The following CMKLR2 variants were observed in gnomAD, a reference collection of about 807,000 sequenced individuals.
CMKLR2 encodes chemerin chemokine-like receptor 2, also known as chemerin-like receptor 2.
Under a neutral mutation model 23.0 loss-of-function variants are expected in CMKLR2, and 18 were observed. The ratio of observed to expected loss-of-function variants is 0.78; its 90% confidence interval spans 0.54 to 1.16. The LOEUF is 1.16. Ranked by LOEUF, CMKLR2 falls within the 50% of genes most tolerant of loss-of-function variation. The pLI is 0.00. For missense variants in CMKLR2, 401 were observed against 412.7 expected (o/e 0.97, Z 0.25); for synonymous variants, 158 against 158.9 (o/e 0.99, Z 0.05).
intron 1 of CMKLR2, among the ~76,000 whole-genome samples, chr2:206,200,364 G>A (rs961105951): frequency 2.6e-5 from 4 of 152,218 alleles, no homozygotes; most frequent in Middle Eastern, 3.4e-3. Flanking sequence ...CGGAGGATGC[G>A]GTGAGCCGAG....
At chr2:206,213,956 T>C (rs540686801), upstream of CMKLR2, among the ~76,000 whole-genome samples, 139 of 145,208 alleles carry the variant, frequency 9.6e-4, no homozygotes, top group Non-Finnish European at 1.6e-3. Flanking sequence ...CAGGTTCAAG[T>C]GATTCTCCTG....
At chr2:206,211,384 G>C (rs1179889194) in intron 1 of CMKLR2, among the ~76,000 whole-genome samples, 1 of 152,144 alleles carries the variant, frequency 6.6e-6, no homozygotes, top group African/African-American at 2.4e-5. Flanking sequence ...GAGTGCAGTG[G>C]CACGATCTTA....
At chr2:206,180,010 C>T (rs1389136779) in intron 1 of CMKLR2, among the ~76,000 whole-genome samples, 1 of 152,128 alleles carries the variant, frequency 6.6e-6, no homozygotes, top group African/African-American at 2.4e-5. Flanking sequence ...TTCCCTTCCT[C>T]CCAACCCTAG....
chr2:206,186,792 T>C (rs2105809383), intron 1 of CMKLR2, among the ~76,000 whole-genome samples: 1 of 151,188 alleles, frequency 6.6e-6, no homozygotes, highest in African/African-American at 2.4e-5. Flanking sequence ...TGCTGCCTTT[T>C]TTTTTTTTTT....
chr2:206,196,991 C>T (rs1442105525), intron 1 of CMKLR2, among the ~76,000 whole-genome samples: 2 of 152,182 alleles, frequency 1.3e-5, no homozygotes, highest in Non-Finnish European at 2.9e-5. Context: ...GCACTGCAAC[C>T]TCCACCTCCT....
intron 1 of CMKLR2, among the ~76,000 whole-genome samples, chr2:206,185,849 CT>C (rs1688560486): frequency 1.3e-5 from 2 of 152,168 alleles, no homozygotes; most frequent in African/African-American, 4.8e-5. Flanking sequence ...TTGGAGCCTT[CT>C]GTACCAGAGT....
Position 206,175,916 on chromosome 2 carries a change from A to AT in CMKLR2, c.*263dup, listed in dbSNP as rs1323437620. ...ATAATTAACAAGAATGATGCATTTC[A>AT]TTTAAGTTGCAGAAAAAAATTATGC... On this transcript the variant is annotated 3_prime_UTR_variant, in exon 2 of 2. Coordinates refer to ENST00000621141, the MANE Select transcript of CMKLR2 (RefSeq NM_001389445.1). 3.0e-6 allele frequency: 1 copy of AT among 330,808 alleles called. No homozygotes were observed. The highest frequency in any genetic ancestry group is 2.1e-5 in the African/African-American group (1 of 47,082). The allele number at this position is 330,808 out of a possible 1,614,324, so 20.5% of individuals were successfully genotyped here. A position where few individuals can be genotyped will look rare whatever the true frequency, so the allele number is the denominator to read the frequency against.
chr2:206,198,392 G>C (rs1315060471), intron 1 of CMKLR2, among the ~76,000 whole-genome samples: 1 of 152,130 alleles, frequency 6.6e-6, no homozygotes, highest in Non-Finnish European at 1.5e-5. Flanking sequence ...GACCCCAGGT[G>C]TCTCATGTGG....
chr2:206,207,728 C>CTTTTTTTTTTTTTT (rs71034423), intron 1 of CMKLR2, among the ~76,000 whole-genome samples: 543 of 43,558 alleles, frequency 0.012, 138 homozygotes, highest in African/African-American at 0.017. Context: ...ACCTCAGGGC[C>CTTTTTTTTTTTTTT]TTTTTTTTTT....
Position 206,204,277 on chromosome 2 carries a change from C to G in CMKLR2, c.-29+9030G>C, listed in dbSNP as rs376023092. On this transcript the variant is annotated intron_variant, in intron 1 of 1. Coordinates refer to ENST00000621141, the MANE Select transcript of CMKLR2 (RefSeq NM_001389445.1). ...GCTGAGGCAGGAGAATGGTGTGAAC[C>G]CGGGAGGCGGAGCTTACAGTGAGCC... Among the ~76,000 whole-genome samples the G allele has an allele frequency of 1.1e-4, 16 of 149,622 alleles. No individual in the cohort carries two copies. The East Asian group carries it at 2.8e-3, about 26-fold the overall frequency.
upstream of CMKLR2, among the ~76,000 whole-genome samples, chr2:206,215,985 G>A (rs12694046): frequency 0.31 from 47,737 of 151,948 alleles, 7,745 homozygotes; most frequent in African/African-American, 0.36. Context: ...TCTCCTTATT[G>A]GAAGAGATAT....
intron 1 of CMKLR2, among the ~76,000 whole-genome samples, chr2:206,179,795 T>C (rs894671963): frequency 6.6e-6 from 1 of 152,154 alleles, no homozygotes; most frequent in Non-Finnish European, 1.5e-5. Flanking sequence ...GAAAAAAGAT[T>C]AATAGTTATA....
intron 1 of CMKLR2, among the ~76,000 whole-genome samples, chr2:206,183,858 G>C (rs1688491409): frequency 6.6e-6 from 1 of 152,128 alleles, no homozygotes; most frequent in Non-Finnish European, 1.5e-5. Flanking sequence ...ACAGTTTTCA[G>C]GTACTTCCAG....
At chr2:206,207,149 A>ATTT (rs3081587) in intron 1 of CMKLR2, among the ~76,000 whole-genome samples, 2,080 of 137,720 alleles carry the variant, frequency 0.015, 63 homozygotes, top group African/African-American at 0.035. Context: ...GTTGCTTATA[A>ATTT]TTTTTTTTTT....
intron 1 of CMKLR2, among the ~76,000 whole-genome samples, chr2:206,207,728 C>CTTTTTTTTTTTTTTGTT (rs1689383776): frequency 2.3e-5 from 1 of 43,582 alleles, no homozygotes; most frequent in South Asian, 1.5e-3. Flanking sequence ...ACCTCAGGGC[C>CTTTTTTTTTTTTTTGTT]TTTTTTTTTT....
chr2:206,216,182 G>C (rs1218157912), upstream of CMKLR2, among the ~76,000 whole-genome samples: 2 of 152,036 alleles, frequency 1.3e-5, no homozygotes, highest in African/African-American at 4.8e-5. Flanking sequence ...AGCTGGGTGC[G>C]GTGGCTCATG....
chr2:206,179,374 CTTTTTTTT>C (rs1178241566), intron 1 of CMKLR2, among the ~76,000 whole-genome samples: 1 of 76,216 alleles, frequency 1.3e-5, no homozygotes, highest in Non-Finnish European at 2.5e-5. Flanking sequence ...CGCACCCAGC[CTTTTTTTT>C]TTTTTTTTTT....
chr2:206,204,560 T>C (rs1390918323), intron 1 of CMKLR2, among the ~76,000 whole-genome samples: 2 of 151,886 alleles, frequency 1.3e-5, no homozygotes, highest in African/African-American at 2.4e-5. Context: ...TTTTTTGTTT[T>C]TGTTTTTGTT....
chr2:206,192,681 A>T (rs982441461), intron 1 of CMKLR2, among the ~76,000 whole-genome samples: 5 of 151,582 alleles, frequency 3.3e-5, no homozygotes, highest in African/African-American at 1.2e-4. Flanking sequence ...CCCAAACTTT[A>T]TCTCAAGTCT....
Sources: gnomAD v4.1 joint callset for allele counts (sites outside exome capture counted in the v4.1 genomes callset) on GRCh38, gnomAD v4.1.1 for gene constraint, MANE v1.5 for transcripts, NCBI Gene and HGNC (gene_info 2026-07-23, HGNC 2026-07-21) for gene names.